The following PGM5 variants were observed in gnomAD, a reference collection of about 807,000 sequenced individuals.
The protein encoded by PGM5 is phosphoglucomutase 5, also known as phosphoglucomutase-like protein 5.
Under a neutral mutation model 59.2 loss-of-function variants are expected in PGM5, and 23 were observed. The observed-to-expected ratio is 0.39, with a 90% CI of 0.28 to 0.55. The LOEUF (loss-of-function observed/expected upper bound fraction) is 0.55, where lower values mean the gene tolerates loss of function less well. Ranked by LOEUF, PGM5 falls within the 20% of genes least tolerant of loss-of-function variation. The pLI is 0.66. For synonymous variants in PGM5, 214 were observed against 286.0 expected (o/e 0.75, Z 2.54); for missense variants, 574 against 748.3 (o/e 0.77, Z 2.72).
At chr9:68,475,053 G>T (rs1437718439) in intron 7 of PGM5, among the ~76,000 whole-genome samples, 2 of 151,056 alleles carry the variant, frequency 1.3e-5, no homozygotes, top group East Asian at 3.9e-4. Flanking sequence ...CACTCTTCTT[G>T]CCCAGGCTGG....
At chr9:68,400,957 G>A (rs1822652378) in intron 6 of PGM5, among the ~76,000 whole-genome samples, 1 of 152,184 alleles carries the variant, frequency 6.6e-6, no homozygotes, top group South Asian at 2.1e-4. Flanking sequence ...TTTACAAGAC[G>A]CATAAGGTGG....
At chr9:68,443,555 G>T (rs771658161) in intron 6 of PGM5, among the ~76,000 whole-genome samples, 74 of 152,176 alleles carry the variant, frequency 4.9e-4, no homozygotes, top group Non-Finnish European at 9.4e-4. Context: ...ATCCTAATGT[G>T]CTGTGCAGCT....
At chr9:68,461,470 C>G (rs1564011553) in intron 6 of PGM5, among the ~76,000 whole-genome samples, 1 of 152,146 alleles carries the variant, frequency 6.6e-6, no homozygotes, top group Admixed American at 6.5e-5. Flanking sequence ...ATGTTTTTGT[C>G]ACTTTCAATA....
At chr9:68,468,877 T>G (rs7022394) in intron 7 of PGM5, among the ~76,000 whole-genome samples, 23,156 of 152,200 alleles carry the variant, frequency 0.15, 3,479 homozygotes, top group African/African-American at 0.37. Context: ...TTACTGATTT[T>G]CATATCCTAA....
rs151046118 is a variant in PGM5, at chr9:68,384,519, A to G, written c.546A>G (p.Leu182=). 45 of 1,610,446 alleles carry G rather than the reference A, an allele frequency of 2.8e-5. No individual in the cohort carries two copies. The African/African-American group carries it at 4.9e-4, about 18-fold the overall frequency. The change falls in exon 3 of 11, where the codon CTA becomes CTG. Residue 182 remains leucine (L), a synonymous_variant. Transcript: ENST00000396396. ...LSRLGRQEFD[L]ENKFKPFRVE... ...GACTAGGAAGACAAGAATTTGACCT[A>G]GAAAACAAATTCAAACCATTCAGAG...
intron 8 of PGM5, among the ~76,000 whole-genome samples, chr9:68,483,168 A>C (rs1824226429): frequency 6.6e-6 from 1 of 152,208 alleles, no homozygotes; most frequent in Admixed American, 6.5e-5. Flanking sequence ...AGAGCAAGAC[A>C]GTTCCTGGAG....
intron 2 of PGM5, among the ~76,000 whole-genome samples, chr9:68,380,700 T>C (rs2131995999): frequency 6.6e-6 from 1 of 151,832 alleles, no homozygotes; most frequent in Non-Finnish European, 1.5e-5. Context: ...TTAGCTAGAT[T>C]CACTAAAAAA....
intron 6 of PGM5, among the ~76,000 whole-genome samples, chr9:68,460,572 G>A (rs1305732726): frequency 6.6e-6 from 1 of 152,040 alleles, no homozygotes; most frequent in African/African-American, 2.4e-5. Flanking sequence ...TTCATACCTG[G>A]AGAAATTCTT....
At chr9:68,376,817 CTTT>C (rs1821913074) in intron 1 of PGM5, among the ~76,000 whole-genome samples, 1 of 71,986 alleles carries the variant, frequency 1.4e-5, no homozygotes, top group Admixed American at 1.5e-4. Flanking sequence ...TTCTTTCTTT[CTTT>C]CTTTCTTTCT....
At chr9:68,377,632 C>A (rs1321772849) in intron 1 of PGM5, among the ~76,000 whole-genome samples, 1 of 152,196 alleles carries the variant, frequency 6.6e-6, no homozygotes. Context: ...TGGGTAATTT[C>A]TCCAATGTCT....
intron 6 of PGM5, among the ~76,000 whole-genome samples, chr9:68,440,928 G>A (rs1355666018): frequency 6.6e-6 from 1 of 151,962 alleles, no homozygotes; most frequent in African/African-American, 2.4e-5. Context: ...GACCAACAAA[G>A]ATGAAAAGAG....
intron 6 of PGM5, among the ~76,000 whole-genome samples, chr9:68,415,324 T>C (rs1475064620): frequency 1.3e-5 from 2 of 149,588 alleles, no homozygotes; most frequent in Non-Finnish European, 2.9e-5. Flanking sequence ...GTGGTTGTTC[T>C]GAGAGGCAGT....
chr9:68,512,050 T>C (rs565931557), intron 10 of PGM5, among the ~76,000 whole-genome samples: 21 of 152,326 alleles, frequency 1.4e-4, no homozygotes, highest in Middle Eastern at 3.4e-3. Context: ...TCTCCATTCA[T>C]GGAACAAATT....
In PGM5 at chr9:68,369,793, A is replaced by G. The variant is rs1387438646; in HGVS notation, c.262-8406A>G. ...TGTGTGTAAAGACTTCCAGAGGTAC[A>G]GGACGTTGAGGATGAGCTCTCTTAC... On this transcript the variant is annotated intron_variant, in intron 1 of 10. Coordinates refer to ENST00000396396, the MANE Select transcript of PGM5 (RefSeq NM_021965.4). 2.0e-4 allele frequency among the ~76,000 whole-genome samples: 31 copies of G among 152,108 alleles called. 1 individual carries two copies. The highest frequency in any genetic ancestry group is 2.8e-4 in the Non-Finnish European group (19 of 68,030).
rs1437551070 is a variant in PGM5, at chr9:68,357,168, C to T, written c.41C>T (p.Ala14Val). ...ATCCCGGTGCTGACAGTGCCCACCG[C>T]GCCCTACGAGGACCAGCGGCCGGCC... ...SPIPVLTVPTAPYEDQRPAGG... is the reference protein window; with the variant it reads ...SPIPVLTVPTVPYEDQRPAGG... Residue 14 changes from alanine (A) to valine (V), a missense_variant, in exon 1 of 11, where the codon GCG becomes GTG. Transcript: ENST00000396396. The T allele has an allele frequency of 5.2e-6, 8 of 1,536,416 alleles. No individual in the cohort carries two copies. The highest frequency in any genetic ancestry group is 6.1e-6 in the Non-Finnish European group (7 of 1,145,250).
intron 9 of PGM5, chr9:68,497,126 G>A (rs1824494734): frequency 6.6e-6 from 1 of 152,180 alleles, no homozygotes; most frequent in South Asian, 2.1e-4. Flanking sequence ...ACAGTGATTT[G>A]TAGACAGTCA....
chr9:68,493,821 G>A (rs1454241924), intron 9 of PGM5, among the ~76,000 whole-genome samples: 1 of 152,110 alleles, frequency 6.6e-6, no homozygotes, highest in Admixed American at 6.6e-5. Flanking sequence ...GCAAATCCAG[G>A]GAGAAAAAGA....
chr9:68,440,882 T>G (rs1823515693), intron 6 of PGM5, among the ~76,000 whole-genome samples: 1 of 151,830 alleles, frequency 6.6e-6, no homozygotes, highest in Admixed American at 6.6e-5. Flanking sequence ...AGCTGGTTCT[T>G]TGGAAAAGTA....
intron 6 of PGM5, among the ~76,000 whole-genome samples, chr9:68,427,644 G>A (rs538917816): frequency 2.0e-5 from 3 of 152,204 alleles, no homozygotes; most frequent in Non-Finnish European, 4.4e-5. Context: ...TTTGCCTATT[G>A]CTGGAAAATT....
Sources: gnomAD v4.1 joint callset for allele counts (sites outside exome capture counted in the v4.1 genomes callset) on GRCh38, gnomAD v4.1.1 for gene constraint, MANE v1.5 for transcripts, NCBI Gene and HGNC (gene_info 2026-07-23, HGNC 2026-07-21) for gene names.